LINGO2: variants seen among roughly 807,000 people sequenced by gnomAD.
The protein encoded by LINGO2 is leucine rich repeat and Ig domain containing 2.
Under a neutral mutation model 30.6 loss-of-function variants are expected in LINGO2, and 14 were observed. The observed-to-expected ratio is 0.46, with a 90% CI of 0.30 to 0.72. The LOEUF is 0.72. LINGO2 is among the 30% of genes least tolerant of loss of function. The probability of loss-of-function intolerance (pLI) is 0.07; values close to 1 mark genes in which losing one functional copy is unlikely to be tolerated. For synonymous variants in LINGO2, 317 were observed against 288.5 expected (o/e 1.10, Z -1.00); for missense variants, 729 against 751.7 (o/e 0.97, Z 0.35).
the LINGO2 span, among the ~76,000 whole-genome samples, chr9:28,838,296 T>C: frequency 1.3e-5 from 2 of 152,322 alleles, no homozygotes; most frequent in African/African-American, 2.4e-5. Context: ...GTGCCATTCA[T>C]TTCATTATTT....
intron 1 of LINGO2, among the ~76,000 whole-genome samples, chr9:28,549,383 C>T (rs1416619147): frequency 2.6e-5 from 4 of 151,926 alleles, no homozygotes; most frequent in African/African-American, 4.8e-5. Flanking sequence ...TGTTTATTTC[C>T]TTATTTCTTG....
chr9:28,508,599 T>C (rs188121964), intron 1 of LINGO2, among the ~76,000 whole-genome samples: 4 of 152,296 alleles, frequency 2.6e-5, no homozygotes, highest in Non-Finnish European at 5.9e-5. Flanking sequence ...GGAATTAGTC[T>C]TTTGTTAACC....
intron 4 of LINGO2, among the ~76,000 whole-genome samples, chr9:28,030,018 C>T (rs943757730): frequency 3.3e-5 from 5 of 152,054 alleles, no homozygotes; most frequent in African/African-American, 1.2e-4. Flanking sequence ...TGATGTAAGG[C>T]CACCAGATAT....
At chr9:27,991,022 G>T (rs1563888933) in intron 5 of LINGO2, among the ~76,000 whole-genome samples, 1 of 151,886 alleles carries the variant, frequency 6.6e-6, no homozygotes, top group Non-Finnish European at 1.5e-5. Context: ...AATACAGCTG[G>T]GCAGGACAGG....
chr9:28,415,224 G>A (rs1822919581), intron 2 of LINGO2, among the ~76,000 whole-genome samples: 2 of 152,040 alleles, frequency 1.3e-5, no homozygotes, highest in African/African-American at 4.8e-5. Context: ...CTCCCATAAT[G>A]CAGTAGAATG....
At chr9:29,169,335 T>G in the LINGO2 span, among the ~76,000 whole-genome samples, 3 of 152,070 alleles carry the variant, frequency 2.0e-5, no homozygotes. Flanking sequence ...CAAGCCTTTG[T>G]GAGAAGTATG....
intron 4 of LINGO2, among the ~76,000 whole-genome samples, chr9:28,053,114 G>A (rs10968307): frequency 0.038 from 5,742 of 151,952 alleles, 153 homozygotes; most frequent in East Asian, 0.075. Flanking sequence ...GGAACCATAA[G>A]GTATAATGAG....
At chr9:28,928,470 T>C in the LINGO2 span, among the ~76,000 whole-genome samples, 3 of 152,058 alleles carry the variant, frequency 2.0e-5, no homozygotes, top group East Asian at 1.9e-4. Context: ...GGTCCACTTA[T>C]ATGTGTTTTT....
chr9:27,945,985 G>A (rs538168995), downstream of LINGO2, among the ~76,000 whole-genome samples: 6 of 152,056 alleles, frequency 3.9e-5, no homozygotes, highest in Non-Finnish European at 8.8e-5. Flanking sequence ...GTCTATCGGA[G>A]GCCAATTCAA....
intron 4 of LINGO2, among the ~76,000 whole-genome samples, chr9:28,043,334 A>G (rs748557031): frequency 2.6e-5 from 4 of 152,220 alleles, no homozygotes; most frequent in Non-Finnish European, 4.4e-5. Context: ...CATGCCCTCA[A>G]CACTCACACA....
chr9:28,520,482 T>G (rs80295849), intron 1 of LINGO2, among the ~76,000 whole-genome samples: 182 of 152,314 alleles, frequency 1.2e-3, no homozygotes, highest in African/African-American at 4.1e-3. Flanking sequence ...CTATTTGTCC[T>G]TATTGTCTTT....
At chr9:28,202,662 G>C (rs1820278514) in intron 4 of LINGO2, among the ~76,000 whole-genome samples, 1 of 151,970 alleles carries the variant, frequency 6.6e-6, no homozygotes, top group Admixed American at 6.6e-5. Flanking sequence ...AAAAACCCTG[G>C]CTCAAATCAT....
At chr9:28,892,849 G>A in the LINGO2 span, among the ~76,000 whole-genome samples, 1 of 151,892 alleles carries the variant, frequency 6.6e-6, no homozygotes, top group African/African-American at 2.4e-5. Flanking sequence ...TGACGAAAAT[G>A]TTTAAAACTT....
intron 2 of LINGO2, among the ~76,000 whole-genome samples, chr9:28,454,779 A>G (rs1297509546): frequency 3.3e-5 from 5 of 152,062 alleles, no homozygotes; most frequent in African/African-American, 1.2e-4. Flanking sequence ...GATATCATAG[A>G]AAATGGATTT....
At chr9:28,965,919 G>C in the LINGO2 span, among the ~76,000 whole-genome samples, 1 of 152,140 alleles carries the variant, frequency 6.6e-6, no homozygotes, top group Non-Finnish European at 1.5e-5. Context: ...GTACGAATTT[G>C]TCTAGACAGG....
the LINGO2 span, among the ~76,000 whole-genome samples, chr9:29,039,922 T>C: frequency 3.3e-5 from 5 of 152,292 alleles, no homozygotes; most frequent in African/African-American, 1.2e-4. Context: ...AACTGATATC[T>C]AGGCTGCTTT....
At chr9:28,648,679 A>G (rs16913482) in intron 1 of LINGO2, among the ~76,000 whole-genome samples, 10,801 of 152,230 alleles carry the variant, frequency 0.071, 551 homozygotes, top group Admixed American at 0.18. Flanking sequence ...AGTGGAGTAG[A>G]AAGATTTGAC....
Position 27,959,399 on chromosome 9 carries a change from T to C in LINGO2, c.-35-8693A>G, listed in dbSNP as rs147332325. On this transcript the variant is annotated intron_variant, in intron 5 of 5. Coordinates refer to ENST00000379992, the Ensembl canonical transcript of LINGO2. ...TCACTGACTTAAGGTATAAAAACTATAAATATCCCTTTCTACATGCTTTAG... is the reference window on the plus strand; with the variant it reads ...TCACTGACTTAAGGTATAAAAACTACAAATATCCCTTTCTACATGCTTTAG... Among the ~76,000 whole-genome samples, 610 of 152,322 alleles carry C rather than the reference T, an allele frequency of 4.0e-3. 2 individuals carry two copies. Among genetic ancestry groups the C allele is most frequent in the African/African-American group, 0.014 (564 of 41,586 alleles).
chr9:28,529,606 C>CTTTTT (rs201066699), intron 1 of LINGO2, among the ~76,000 whole-genome samples: 110 of 125,278 alleles, frequency 8.8e-4, no homozygotes, highest in African/African-American at 3.0e-3. Context: ...ATTGCAAATA[C>CTTTTT]TTTTTTTTTT....
Sources: gnomAD v4.1 joint callset for allele counts (sites outside exome capture counted in the v4.1 genomes callset) on GRCh38, gnomAD v4.1.1 for gene constraint, MANE v1.5 for transcripts, NCBI Gene and HGNC (gene_info 2026-07-23, HGNC 2026-07-21) for gene names.